The following FMN1 variants were observed in gnomAD, a reference collection of about 807,000 sequenced individuals.
The protein encoded by FMN1 is formin-1.
FMN1 carries 110 observed loss-of-function variants against 132.4 expected under a neutral mutation model. The ratio of observed to expected loss-of-function variants is 0.83; its 90% confidence interval spans 0.71 to 0.97. The LOEUF (loss-of-function observed/expected upper bound fraction) is 0.97, where lower values mean the gene tolerates loss of function less well. FMN1 is among the 50% of genes least tolerant of loss of function. The probability of loss-of-function intolerance (pLI) is 0.00; values close to 1 mark genes in which losing one functional copy is unlikely to be tolerated. For missense variants in FMN1, 1,792 were observed against 1,705.3 expected (o/e 1.05, Z -0.90); for synonymous variants, 722 against 651.7 (o/e 1.11, Z -1.64).
At chr15:32,781,718 T>C (rs2056670219) in intron 19 of FMN1, among the ~76,000 whole-genome samples, 2 of 152,208 alleles carry the variant, frequency 1.3e-5, no homozygotes, top group African/African-American at 4.8e-5. Context: ...AGTATGCTGG[T>C]TTAATTAGCT....
chr15:33,022,355 G>C (rs559605008), intron 6 of FMN1, among the ~76,000 whole-genome samples: 24 of 152,278 alleles, frequency 1.6e-4, no homozygotes, highest in African/African-American at 5.8e-4. Context: ...GTATGGAGGG[G>C]AGGCTGGGGA....
At chr15:33,193,239 TA>T (rs1966140172) in intron 2 of FMN1, among the ~76,000 whole-genome samples, 1 of 152,178 alleles carries the variant, frequency 6.6e-6, no homozygotes, top group South Asian at 2.1e-4. Flanking sequence ...GTTAATCTGG[TA>T]TGCAATTCTC....
intron 3 of FMN1, among the ~76,000 whole-genome samples, chr15:33,157,550 G>T (rs1342027690): frequency 6.6e-6 from 1 of 152,160 alleles, no homozygotes; most frequent in African/African-American, 2.4e-5. Flanking sequence ...CATAGGTCAT[G>T]TTGCTCTTCA....
At chr15:33,142,612 A>G (rs1365138598) in intron 4 of FMN1, among the ~76,000 whole-genome samples, 1 of 152,246 alleles carries the variant, frequency 6.6e-6, no homozygotes, top group Non-Finnish European at 1.5e-5. Flanking sequence ...TATTAATAGC[A>G]GGAATTTTTT....
chr15:33,003,597 T>C (rs1220044767), intron 7 of FMN1, among the ~76,000 whole-genome samples: 2 of 152,098 alleles, frequency 1.3e-5, no homozygotes, highest in Admixed American at 6.6e-5. Context: ...AGAATCAATA[T>C]CGTGAAAATG....
intron 8 of FMN1, among the ~76,000 whole-genome samples, chr15:32,967,911 G>A (rs115970637): frequency 2.0e-3 from 309 of 152,324 alleles, no homozygotes; most frequent in African/African-American, 7.0e-3. Context: ...AAACTTTAAA[G>A]GAGAAAGTGG....
At position 32,961,746 on chromosome 15, in the gene FMN1, A is replaced by G. The variant is rs191368227; in HGVS notation, c.3138+2361T>C. Among the ~76,000 whole-genome samples, 293 of 152,298 alleles carry G rather than the reference A, an allele frequency of 1.9e-3. 2 individuals are homozygous for G. The highest frequency in any genetic ancestry group is 6.5e-3 in the African/African-American group (270 of 41,562). ...ATTACTTAGAGAACATTATGAGCAG[A>G]TATCATCTCAGGCTATGGTGCAGGG... On this transcript the variant is annotated intron_variant, in intron 9 of 20. Transcript: ENST00000616417.
chr15:32,820,969 T>C (rs1001606498), intron 17 of FMN1, among the ~76,000 whole-genome samples: 5 of 152,042 alleles, frequency 3.3e-5, no homozygotes, highest in Non-Finnish European at 5.9e-5. Flanking sequence ...CCCAAGGTAA[T>C]AAAGAGGTCT....
At chr15:33,026,714 G>T (rs1166197559) in intron 6 of FMN1, among the ~76,000 whole-genome samples, 2 of 152,072 alleles carry the variant, frequency 1.3e-5, no homozygotes, top group Admixed American at 1.3e-4. Flanking sequence ...TGAACCTCAG[G>T]AGAGAGAGGT....
chr15:33,183,957 T>G (rs2140347323), intron 2 of FMN1, among the ~76,000 whole-genome samples: 1 of 152,310 alleles, frequency 6.6e-6, no homozygotes, highest in Non-Finnish European at 1.5e-5. Context: ...CTTCATGATT[T>G]TTTTTTGGCC....
At chr15:33,141,542 TGGGA>T (rs1738176018) in intron 4 of FMN1, among the ~76,000 whole-genome samples, 2 of 152,078 alleles carry the variant, frequency 1.3e-5, no homozygotes, top group Middle Eastern at 3.2e-3. Flanking sequence ...GCAATACCTA[TGGGA>T]AAGTGAGGGA....
chr15:33,077,750 A>G (rs1595420304), intron 5 of FMN1, among the ~76,000 whole-genome samples: 1 of 151,728 alleles, frequency 6.6e-6, no homozygotes, highest in Middle Eastern at 3.4e-3. Context: ...TCATCTGACA[A>G]AGGGCTAATA....
At chr15:32,853,581 G>A (rs952161772) in intron 17 of FMN1, among the ~76,000 whole-genome samples, 3 of 152,094 alleles carry the variant, frequency 2.0e-5, no homozygotes, top group Non-Finnish European at 2.9e-5. Context: ...AAATATCTAC[G>A]CAATAAATGA....
chr15:33,126,357 C>T (rs1451260557), intron 4 of FMN1, among the ~76,000 whole-genome samples: 2 of 152,148 alleles, frequency 1.3e-5, no homozygotes, highest in Middle Eastern at 3.2e-3. Context: ...TGTGGGCAGG[C>T]AGTCCAGCAG....
chr15:33,104,660 G>A (rs2039416517), intron 4 of FMN1, among the ~76,000 whole-genome samples: 1 of 151,980 alleles, frequency 6.6e-6, no homozygotes, highest in Non-Finnish European at 1.5e-5. Context: ...TATTCCTGAA[G>A]CAATGTTTTC....
intron 7 of FMN1, among the ~76,000 whole-genome samples, chr15:33,003,026 GAAAGCTCTC>G (rs1796121480): frequency 6.6e-6 from 1 of 152,186 alleles, no homozygotes; most frequent in Non-Finnish European, 1.5e-5. Context: ...ACTTCATGCT[GAAAGCTCTC>G]AATAAATTAG....
intron 7 of FMN1, 102 bp from the exon 8 acceptor site, chr15:32,969,579 C>T: frequency 1.6e-6 from 2 of 1,267,826 alleles, no homozygotes; most frequent in Non-Finnish European, 2.2e-6. Context: ...TGTAGCATGG[C>T]CCACATAAAT....
chr15:33,118,916 CAAAAA>C (rs200093287), intron 4 of FMN1, among the ~76,000 whole-genome samples: 1 of 93,842 alleles, frequency 1.1e-5, no homozygotes. Flanking sequence ...CCTTCCTTTA[CAAAAA>C]AAAAAAAAAT....
intron 16 of FMN1, among the ~76,000 whole-genome samples, chr15:32,857,948 G>A (rs994494947): frequency 5.3e-5 from 8 of 152,176 alleles, no homozygotes; most frequent in African/African-American, 1.9e-4. Flanking sequence ...GAAAGGCTTC[G>A]TTTCTACAAA....
Sources: allele counts gnomAD v4.1 joint callset (sites outside exome capture counted in the v4.1 genomes callset), GRCh38; gene constraint gnomAD v4.1.1; transcripts MANE v1.5; gene names NCBI Gene and HGNC (gene_info 2026-07-23, HGNC 2026-07-21).